The following INSL6 variants were observed in gnomAD, a reference collection of about 807,000 sequenced individuals.
INSL6 encodes insulin like 6, also known as insulin-like peptide INSL6.
INSL6 carries 16 observed loss-of-function variants against 9.4 expected under a neutral mutation model. The observed-to-expected ratio is 1.70, with a 90% CI of 1.15 to 2.59. The LOEUF is 2.59. Among genes scored for constraint, INSL6 ranks in the 30% most tolerant of loss-of-function variants. The pLI, the probability that INSL6 is intolerant of heterozygous loss-of-function variation, is 0.00. For missense variants in INSL6, 391 were observed against 257.3 expected, an observed-to-expected ratio of 1.52 and a Z score of -3.56; for synonymous variants, 154 against 96.9, an observed-to-expected ratio of 1.59 and a Z score of -3.46.
chr9:5,038,517 C>G, the INSL6 span, among the ~76,000 whole-genome samples: 1 of 151,352 alleles, frequency 6.6e-6, no homozygotes, highest in East Asian at 1.9e-4. Context: ...CAACAAAATA[C>G]TTGCAAACCG....
the INSL6 span, among the ~76,000 whole-genome samples, chr9:5,106,459 A>T: frequency 3.3e-5 from 5 of 152,258 alleles, no homozygotes; most frequent in Non-Finnish European, 5.9e-5. Context: ...GGAGTAGTGT[A>T]AACTAGTTCA....
At chr9:5,167,489 C>G (rs1825081481) in intron 1 of INSL6, among the ~76,000 whole-genome samples, 1 of 152,198 alleles carries the variant, frequency 6.6e-6, no homozygotes, top group African/African-American at 2.4e-5. Flanking sequence ...AGCACAGCGG[C>G]TGGGACAGTT....
At chr9:5,059,137 A>C in the INSL6 span, among the ~76,000 whole-genome samples, 31 of 152,246 alleles carry the variant, frequency 2.0e-4, no homozygotes, top group Non-Finnish European at 3.4e-4. Context: ...ATGAATTTTT[A>C]CATATTTGTA....
intron 2 of INSL6, among the ~76,000 whole-genome samples, chr9:5,158,567 G>A (rs1038694232): frequency 6.6e-6 from 1 of 152,022 alleles, no homozygotes; most frequent in South Asian, 2.1e-4. Context: ...GGCCAGGAGA[G>A]AGTGGCATGA....
chr9:5,053,212 T>C, the INSL6 span, among the ~76,000 whole-genome samples: 1 of 152,114 alleles, frequency 6.6e-6, no homozygotes, highest in Admixed American at 6.6e-5. Context: ...GATGTTCATT[T>C]CTCTAATGAC....
chr9:5,042,056 G>A, the INSL6 span: 4 of 243,892 alleles, frequency 1.6e-5, no homozygotes, highest in East Asian at 4.0e-4. Flanking sequence ...CAGACTGCAG[G>A]GTCTTGGCCG....
chr9:5,178,215 G>C lies in INSL6; in HGVS notation c.289+7099C>G, dbSNP rs144397442. Among the ~76,000 whole-genome samples the C allele has an allele frequency of 5.9e-3, 892 of 152,202 alleles. 4 individuals are homozygous for C. Among genetic ancestry groups the C allele is most frequent in the Non-Finnish European group, 8.8e-3 (597 of 67,990 alleles). ...GACCCCAATCCATTCCTCCTCCCTGGGTGAGACCTCCTTGTAGGGGCTTCA... is the reference window on the plus strand; with the variant it reads ...GACCCCAATCCATTCCTCCTCCCTGCGTGAGACCTCCTTGTAGGGGCTTCA... On this transcript the variant is annotated intron_variant, in intron 1 of 1. Coordinates refer to ENST00000381641, the MANE Select transcript of INSL6 (RefSeq NM_007179.3).
chr9:5,103,073 T>C, the INSL6 span, among the ~76,000 whole-genome samples: 1 of 151,714 alleles, frequency 6.6e-6, no homozygotes, highest in Non-Finnish European at 1.5e-5. Context: ...ATGGGATGAA[T>C]GCCCCAATTA....
Position 5,164,192 on chromosome 9 carries a change from T to C in INSL6, c.363A>G (p.Gly121=). 5 of 1,606,030 alleles carry C rather than the reference T, an allele frequency of 3.1e-6. No individual in the cohort carries two copies. Among genetic ancestry groups the C allele is most frequent in the Non-Finnish European group, 3.4e-6 (4 of 1,176,848 alleles). Residue 121 remains glycine, a synonymous_variant, in exon 2 of 2, where the codon GGA becomes GGG. Transcript: ENST00000381641. ...QSLPEYKDKK[G]YSPLGKTREF... ...CTCTTGTCTTACCAAGGGGTGAATA[T>C]CCCTTTTTATCCTTATACTCAGGTA...
the INSL6 span, chr9:5,041,996 G>C: frequency 5.6e-6 from 2 of 354,930 alleles, no homozygotes; most frequent in East Asian, 1.5e-4. Flanking sequence ...GAGGGCCTTG[G>C]GGCCCACCCA....
chr9:5,142,388 T>A (rs939504386), intron 2 of INSL6, among the ~76,000 whole-genome samples: 3 of 152,234 alleles, frequency 2.0e-5, no homozygotes, highest in Non-Finnish European at 4.4e-5. Context: ...TCTGATTTCT[T>A]TGAGCAGTTG....
intron 3 of INSL6, chr9:5,127,722 G>C (rs1157730805): frequency 4.3e-6 from 1 of 232,312 alleles, no homozygotes; most frequent in Non-Finnish European, 8.5e-6. Context: ...CTAAATTTAA[G>C]CTTAAGCCAT....
At chr9:5,022,170 G>C in the INSL6 span, 1 of 1,614,130 alleles carries the variant, frequency 6.2e-7, no homozygotes, top group Non-Finnish European at 8.5e-7. Flanking sequence ...CATCTGGGGA[G>C]TATGTTGCAG....
chr9:5,085,277 G>A, the INSL6 span: 1 of 699,062 alleles, frequency 1.4e-6, no homozygotes, highest in Non-Finnish European at 2.7e-6. Context: ...GCTGATGTTG[G>A]TTTGCCTATG....
chr9:5,019,692 G>A, the INSL6 span, among the ~76,000 whole-genome samples: 1 of 152,158 alleles, frequency 6.6e-6, no homozygotes, highest in African/African-American at 2.4e-5. Flanking sequence ...CTTTCATAGG[G>A]TAGGACTTTT....
Position 5,166,030 on chromosome 9 carries a change from G to A in INSL6, c.290-1765C>T, listed in dbSNP as rs568061030. On this transcript the variant is annotated intron_variant, in intron 1 of 1. Transcript: ENST00000381641. ...CCACGTCATGTGAAAAACATGAATC[G>A]ACCCAATCAGATTTCCTCAGTTTGA... 4.7e-4 allele frequency among the ~76,000 whole-genome samples: 71 copies of A among 152,220 alleles called. 1 individual carries two copies. The highest frequency in any genetic ancestry group is 2.1e-3 in the South Asian group (10 of 4,816).
chr9:5,140,717 T>A (rs1824480327), intron 2 of INSL6, among the ~76,000 whole-genome samples: 1 of 152,004 alleles, frequency 6.6e-6, no homozygotes, highest in Non-Finnish European at 1.5e-5. Flanking sequence ...GGGGATTCAT[T>A]TTTTTTTCCC....
the INSL6 span, among the ~76,000 whole-genome samples, chr9:5,062,630 G>T: frequency 6.6e-6 from 1 of 151,524 alleles, no homozygotes; most frequent in Admixed American, 6.6e-5. Context: ...CTAGTTCAAA[G>T]GGTATGAATA....
the INSL6 span, chr9:5,111,055 G>C: frequency 1.9e-6 from 2 of 1,072,466 alleles, no homozygotes; most frequent in African/African-American, 1.6e-5. Context: ...CAGAGGTTCA[G>C]GTCTTGAGAA....
Sources: gnomAD v4.1 joint callset for allele counts (sites outside exome capture counted in the v4.1 genomes callset) on GRCh38, gnomAD v4.1.1 for gene constraint, MANE v1.5 for transcripts, NCBI Gene and HGNC (gene_info 2026-07-23, HGNC 2026-07-21) for gene names.